The following RNF123 variants were observed in gnomAD, a reference collection of about 807,000 sequenced individuals.
RNF123 encodes the protein ring finger protein 123.
In RNF123, 86 loss-of-function variants were observed where a neutral mutation model predicts 168.5. The observed-to-expected ratio is 0.51, with a 90% CI of 0.43 to 0.61. The LOEUF (loss-of-function observed/expected upper bound fraction) is 0.61, where lower values mean the gene tolerates loss of function less well. Ranked by LOEUF, RNF123 falls within the 20% of genes least tolerant of loss-of-function variation. The probability of loss-of-function intolerance (pLI) is 0.00; values close to 1 mark genes in which losing one functional copy is unlikely to be tolerated. For synonymous variants in RNF123, 666 were observed against 689.1 expected (o/e 0.97, Z 0.52); for missense variants, 1,419 against 1,729.7 (o/e 0.82, Z 3.19).
In RNF123 at chr3:49,720,637, C is replaced by A. The variant is rs765623041; in HGVS notation, c.3627C>A (p.Arg1209=). 6.2e-7 allele frequency: 1 copy of A among 1,601,066 alleles called. No individual in the cohort carries two copies. Among genetic ancestry groups the A allele is most frequent in the Non-Finnish European group, 8.5e-7 (1 of 1,171,168 alleles). Residue 1209 remains arginine, a synonymous_variant, in exon 36 of 39, where the codon CGC becomes CGA. Transcript: ENST00000327697. The stretch of plus-strand genomic sequence containing the variant: ...CTCTGCCAGCCCCTGACCGGAAGCG[C>A]TTCTCCCTGCAGAGCTGTGAGTGGG... ...GTALPAPDRK[R]FSLQSYADYI... is the part of the protein sequence containing the mutation.
rs572751771 is a variant in RNF123, at chr3:49,695,249, C to T, written c.168-1894C>T. Among the ~76,000 whole-genome samples the T allele has an allele frequency of 2.0e-5, 3 of 152,150 alleles. No individual in the cohort carries two copies. The East Asian group carries it at 5.8e-4, about 29-fold the overall frequency. On this transcript the variant is annotated intron_variant, in intron 3 of 38. Transcript: ENST00000327697. ...TCCCACATAGCTGGGACCACAAGCA[C>T]ATGCCACAGCACCCAGCTAATTTTT... is the stretch of plus-strand genomic sequence containing the variant.
intron 3 of RNF123, among the ~76,000 whole-genome samples, chr3:49,692,823 G>A (rs1036263586): frequency 3.9e-5 from 6 of 152,052 alleles, no homozygotes; most frequent in Admixed American, 1.3e-4. Flanking sequence ...TTTTATGGCC[G>A]AATAGTACTC....
Position 49,703,420 on chromosome 3 carries a change from C to T in RNF123, c.1751-7C>T. 1 of 1,612,694 alleles carries T rather than the reference C, an allele frequency of 6.2e-7. No individual in the cohort carries two copies. Among genetic ancestry groups the T allele is most frequent in the Non-Finnish European group, 8.5e-7 (1 of 1,178,834 alleles). Reference sequence around the variant, plus strand: ...ACCACTGGCCTAGCCTCCTCAATTCCTCGCAGAGGCCTACATCCCGCCCCA... The same window carrying T: ...ACCACTGGCCTAGCCTCCTCAATTCTTCGCAGAGGCCTACATCCCGCCCCA... On this transcript the variant is annotated splice_polypyrimidine_tract_variant and splice_region_variant and intron_variant, in intron 20 of 38. Transcript: ENST00000327697.
intron 35 of RNF123, chr3:49,719,791 A>G (rs915733585): frequency 1.4e-5 from 4 of 276,492 alleles, no homozygotes; most frequent in African/African-American, 2.2e-5. Flanking sequence ...TTTGTGCCCA[A>G]TGGCCCCGCA....
At chr3:49,707,974 TTTTTG>T (rs745893375) in intron 26 of RNF123, among the ~76,000 whole-genome samples, 4 of 152,112 alleles carry the variant, frequency 2.6e-5, no homozygotes, top group African/African-American at 9.7e-5. Context: ...AGCTGTGTTT[TTTTTG>T]TTTTGTTTTG....
chr3:49,719,913 GTC>G (rs1020926212), intron 35 of RNF123: 1 of 181,654 alleles, frequency 5.5e-6, no homozygotes, highest in Non-Finnish European at 1.2e-5. Flanking sequence ...CTGGAAGAAT[GTC>G]TCCAAGCTGC....
intron 26 of RNF123, 26 bp from the exon 27 acceptor site, chr3:49,712,453 A>G (rs201822390): frequency 7.4e-6 from 12 of 1,612,212 alleles, no homozygotes; most frequent in Admixed American, 5.0e-5. Context: ...TGCGCAACCC[A>G]GCAGCACCCC....
intron 13 of RNF123, 33 bp from the exon 14 acceptor site, chr3:49,700,439 C>G (rs771565390): frequency 1.2e-6 from 2 of 1,612,524 alleles, no homozygotes; most frequent in South Asian, 2.2e-5. Context: ...GAAAAGGCCC[C>G]AGTCATGGCT....
At position 49,712,598 on chromosome 3, in the gene RNF123, C is replaced by T. The variant is rs773389694; in HGVS notation, c.2616C>T (p.Asn872=). The change falls in exon 27 of 39, where the codon AAC becomes AAT. Residue 872 remains asparagine (N), a synonymous_variant. Transcript: ENST00000327697. ...MPEFYLSVAI[N]SYSALKNYFG... ...AGTTCTACCTGAGCGTGGCCATCAACAGCTACAGTGCTCTCAAGAATTACT... is the reference window on the plus strand; with the variant it reads ...AGTTCTACCTGAGCGTGGCCATCAATAGCTACAGTGCTCTCAAGAATTACT... 1.9e-6 allele frequency: 3 copies of T among 1,614,112 alleles called. No homozygotes were observed. In the African/African-American group the frequency reaches 4.0e-5, roughly 22 times the overall value.
At chr3:49,705,833 C>G (rs556278480) in intron 24 of RNF123, 149 bp from the exon 25 acceptor site, 1 of 1,431,944 alleles carries the variant, frequency 7.0e-7, no homozygotes, top group Non-Finnish European at 9.6e-7. Flanking sequence ...CTCCTGCTGC[C>G]TCAGTCTGAC....
Position 49,716,089 on chromosome 3 carries a change from G to C in RNF123, c.3340-13G>C. 1.9e-6 allele frequency: 3 copies of C among 1,613,712 alleles called. No homozygotes were observed. The highest frequency in any genetic ancestry group is 2.5e-6 in the Non-Finnish European group (3 of 1,179,962). On this transcript the variant is annotated splice_polypyrimidine_tract_variant and intron_variant, in intron 33 of 38. Coordinates refer to ENST00000327697, the MANE Select transcript of RNF123 (RefSeq NM_022064.5). ...GCTCCCCATCCACCAATGGACTCCTGCTCCCCTCACAGCTGCTAAACCAGG... is the reference window on the plus strand; with the variant it reads ...GCTCCCCATCCACCAATGGACTCCTCCTCCCCTCACAGCTGCTAAACCAGG...
chr3:49,697,252 G>C lies in RNF123; in HGVS notation c.247+30G>C, dbSNP rs114148721. On this transcript the variant is annotated intron_variant, in intron 4 of 38. Transcript: ENST00000327697. ...GTGGCCACCTCTGGAGTGGGGTTGG[G>C]AGGTGCAGAGCTGGGACGTAGCGGG... The C allele has an allele frequency of 3.0e-4, 484 of 1,608,716 alleles. No homozygotes were observed. The African/African-American group carries it at 5.9e-3, about 20-fold the overall frequency.
In RNF123 at chr3:49,721,024, C is replaced by T. The variant is rs764087552; in HGVS notation, c.3743C>T (p.Thr1248Ile). 1 of 1,611,782 alleles carries T rather than the reference C, an allele frequency of 6.2e-7. No individual in the cohort carries two copies. The highest frequency in any genetic ancestry group is 8.5e-7 in the Non-Finnish European group (1 of 1,178,412). ...CCTTCACTCTCCTCCCTGCAGCCCA[C>T]CAGTGAGGAGGACCTCTGCCCCATC... The part of the protein sequence containing the change: ...SAQAAAASLP[T>I]SEEDLCPICY... Residue 1248 changes from threonine (T) to isoleucine (I), a missense_variant, in exon 38 of 39, where the codon ACC (threonine) becomes ATC (isoleucine). Physicochemically the swap from Thr to Ile is moderately conservative, Grantham distance 89. This residue lies in a region of RNF123 where 164 missense variants were observed against 152.3 expected (regional missense o/e 1.08). Coordinates refer to ENST00000327697, the MANE Select transcript of RNF123 (RefSeq NM_022064.5).
rs776683148 is a variant in RNF123, at chr3:49,719,309, G to A, written c.3501-1202G>A. On this transcript the variant is annotated intron_variant, in intron 35 of 38. Coordinates refer to ENST00000327697, the MANE Select transcript of RNF123 (RefSeq NM_022064.5). ...GCAGGTAACTCGGCTGGCACGTCCT[G>A]CAGCCCTAGGCCAGTGCAGCTTAGC... 8 of 1,613,132 alleles carry A rather than the reference G, an allele frequency of 5.0e-6. No homozygotes were observed. In the Admixed American group the frequency reaches 6.7e-5, roughly 13 times the overall value.
intron 34 of RNF123, 29 bp downstream of exon 34, chr3:49,716,206 CA>C: frequency 6.2e-7 from 1 of 1,610,130 alleles, no homozygotes; most frequent in Non-Finnish European, 8.5e-7. Flanking sequence ...TGCACCCCAA[CA>C]CACTACAGGC....
chr3:49,719,741 C>T, intron 35 of RNF123: 2 of 396,274 alleles, frequency 5.0e-6, no homozygotes, highest in Non-Finnish European at 9.4e-6. Flanking sequence ...GCCCGGGCTC[C>T]TATTGGTTCC....
In RNF123 at chr3:49,699,329, C is replaced by G. The variant is rs1006138834; in HGVS notation, c.765-139C>G. The G allele has an allele frequency of 1.1e-6, 1 of 941,036 alleles. No individual in the cohort carries two copies. The highest frequency in any genetic ancestry group is 1.6e-6 in the Non-Finnish European group (1 of 619,940). The allele number at this position is 941,036 out of a possible 1,614,324, so 58.3% of individuals were successfully genotyped here. A position where few individuals can be genotyped will look rare whatever the true frequency, so the allele number is the denominator to read the frequency against. On this transcript the variant is annotated intron_variant, in intron 10 of 38. Transcript: ENST00000327697. The surrounding 1 kb of genome is among the most constrained non-coding windows in gnomAD (Gnocchi z 4.8). ...AGATGAGGAATGTGAAGCATCCTCC[C>G]TAGGGAGAATAAGTGGGCAAGTTGT...
At chr3:49,704,576 C>A in intron 21 of RNF123, 74 bp from the exon 22 acceptor site, 1 of 1,303,894 alleles carries the variant, frequency 7.7e-7, no homozygotes, top group Non-Finnish European at 1.1e-6. Flanking sequence ...TGGGCTCTCT[C>A]ACCGTCCTGG....
At chr3:49,713,685 A>G (rs1234566357) in intron 28 of RNF123, 53 bp from the exon 29 acceptor site, 3 of 1,571,816 alleles carry the variant, frequency 1.9e-6, no homozygotes, top group Non-Finnish European at 1.7e-6. Flanking sequence ...GGCATGAAGT[A>G]TGGGTCCAGG....
Sources: allele counts gnomAD v4.1 joint callset (sites outside exome capture counted in the v4.1 genomes callset), GRCh38; gene constraint gnomAD v4.1.1; regional missense constraint gnomAD v4.1.1; non-coding constraint Gnocchi (gnomAD v3.1); transcripts MANE v1.5; gene names NCBI Gene and HGNC (gene_info 2026-07-23, HGNC 2026-07-21).